Variants in ANKFN1 observed in about 807,000 individuals in gnomAD.
ANKFN1 encodes ankyrin repeat and fibronectin type III domain containing 1, also known as ankyrin repeat and fibronectin type-III domain-containing protein 1.
A neutral mutation model predicts 108.7 loss-of-function variants in ANKFN1; 74 were observed. The observed-to-expected ratio is 0.68, with a 90% confidence interval of 0.56 to 0.83. ANKFN1 has a LOEUF of 0.83. Among genes scored for constraint, ANKFN1 ranks in the 40% least tolerant of loss-of-function variants. ANKFN1 has a pLI of 0.00. For missense variants in ANKFN1, 1,505 were observed against 1,382.3 expected, an observed-to-expected ratio of 1.09 and a Z score of -1.41; for synonymous variants, 547 against 516.2, an observed-to-expected ratio of 1.06 and a Z score of -0.81.
intron 4 of ANKFN1, among the ~76,000 whole-genome samples, chr17:56,102,623 T>G (rs1174365306): frequency 9.4e-6 from 1 of 106,160 alleles, no homozygotes; most frequent in Non-Finnish European, 1.9e-5. Flanking sequence ...CCCAAGCCCT[T>G]CCTAGCCTTT....
At chr17:56,379,893 A>G (rs901827027) in intron 8 of ANKFN1, among the ~76,000 whole-genome samples, 5 of 152,266 alleles carry the variant, frequency 3.3e-5, no homozygotes, top group Admixed American at 6.5e-5. Context: ...TTACTATCAT[A>G]ATACCATAAT....
intron 3 of ANKFN1, chr17:56,245,760 G>A (rs1917912303): frequency 6.6e-6 from 1 of 152,126 alleles, no homozygotes; most frequent in South Asian, 2.1e-4. Flanking sequence ...CTTTTCTGAG[G>A]AAACCAGAGA....
intron 1 of ANKFN1, chr17:56,184,702 C>A (rs1179618494): frequency 6.6e-6 from 1 of 152,308 alleles, no homozygotes; most frequent in African/African-American, 2.4e-5. Context: ...AAGTTTCAAA[C>A]TTTTTAAATA....
At chr17:56,278,135 A>G (rs1455580984) in intron 3 of ANKFN1, among the ~76,000 whole-genome samples, 6 of 152,216 alleles carry the variant, frequency 3.9e-5, no homozygotes, top group Admixed American at 3.9e-4. Context: ...CCTATCCACA[A>G]CAATATCAGA....
At chr17:56,453,489 T>C (rs146843849) in intron 11 of ANKFN1, among the ~76,000 whole-genome samples, 9 of 152,328 alleles carry the variant, frequency 5.9e-5, no homozygotes, top group African/African-American at 2.2e-4. Flanking sequence ...ATGTTTCTAT[T>C]GCATCTTCTT....
chr17:56,161,724 G>C (rs958441275), intron 1 of ANKFN1, among the ~76,000 whole-genome samples: 2 of 151,188 alleles, frequency 1.3e-5, no homozygotes, highest in African/African-American at 2.4e-5. Flanking sequence ...ACAAGGAAAA[G>C]ATTTTACATT....
chr17:56,176,479 T>A (rs1328133737), intron 1 of ANKFN1, among the ~76,000 whole-genome samples: 1 of 152,206 alleles, frequency 6.6e-6, no homozygotes, highest in African/African-American at 2.4e-5. Flanking sequence ...TTGTTATAGG[T>A]TGGAACCCAT....
intron 4 of ANKFN1, among the ~76,000 whole-genome samples, chr17:56,084,834 T>C (rs1398985085): frequency 6.6e-6 from 1 of 151,150 alleles, no homozygotes; most frequent in Non-Finnish European, 1.5e-5. Flanking sequence ...TCTGGGGACC[T>C]AGGCCAGTTG....
At chr17:56,074,534 G>A (rs1905158885) in intron 4 of ANKFN1, among the ~76,000 whole-genome samples, 1 of 152,198 alleles carries the variant, frequency 6.6e-6, no homozygotes, top group African/African-American at 2.4e-5. Context: ...TTCTGAAACA[G>A]GCGCTGACAG....
At chr17:56,235,637 C>G (rs1020738909) in intron 3 of ANKFN1, among the ~76,000 whole-genome samples, 1 of 152,122 alleles carries the variant, frequency 6.6e-6, no homozygotes, top group Admixed American at 6.5e-5. Context: ...CGGTTTTTGT[C>G]AGCTTTGTCA....
Position 56,470,176 on chromosome 17 carries a change from T to C in ANKFN1, c.1773+3605T>C, listed in dbSNP as rs547833637. Among the ~76,000 whole-genome samples, 4 of 152,318 alleles carry C rather than the reference T, an allele frequency of 2.6e-5. No individual in the cohort carries two copies. In the East Asian group the frequency reaches 7.7e-4, roughly 29 times the overall value. ...GTGTATATGCACCACATTTTCTTTATCCAGTCTATCATTGATGGGCATTTG... is the reference window on the plus strand; with the variant it reads ...GTGTATATGCACCACATTTTCTTTACCCAGTCTATCATTGATGGGCATTTG... On this transcript the variant is annotated intron_variant, in intron 15 of 20. Coordinates refer to ENST00000682825, the MANE Select transcript of ANKFN1 (RefSeq NM_001370326.1).
rs141699701 is a variant in ANKFN1 at position 56,145,338 on chromosome 17, A to G, written c.289-82579A>G. Among the ~76,000 whole-genome samples, 13 of 152,366 alleles carry G rather than the reference A, an allele frequency of 8.5e-5. No homozygotes were observed. In the East Asian group the frequency reaches 2.3e-3, roughly 27 times the overall value. On this transcript the variant is annotated intron_variant, in intron 4 of 12. Transcript: ENST00000635860. ...TGTGTAAAACCTGTAGTATTAGTCC[A>G]TTCTCATGCTGCCATAAAGAACTGC...
chr17:56,180,147 C>G (rs1292973605), intron 1 of ANKFN1, among the ~76,000 whole-genome samples: 1 of 152,154 alleles, frequency 6.6e-6, no homozygotes, highest in Non-Finnish European at 1.5e-5. Context: ...TCTCTTTCTA[C>G]CCTTTACTCA....
chr17:56,321,326 A>G (rs899581822), intron 3 of ANKFN1, among the ~76,000 whole-genome samples: 18 of 152,096 alleles, frequency 1.2e-4, no homozygotes, highest in Non-Finnish European at 1.6e-4. Context: ...GCCGTTATTG[A>G]GCAGCCTCGC....
intron 4 of ANKFN1, among the ~76,000 whole-genome samples, chr17:56,071,312 C>G (rs1490360636): frequency 6.6e-6 from 1 of 152,170 alleles, no homozygotes; most frequent in Admixed American, 6.5e-5. Context: ...TGCTCAACCC[C>G]TACTTAACCC....
intron 8 of ANKFN1, among the ~76,000 whole-genome samples, chr17:56,391,359 C>CAT (rs1335527140): frequency 3.5e-4 from 36 of 103,824 alleles, no homozygotes; most frequent in African/African-American, 1.4e-3. Context: ...CCCAAGAATA[C>CAT]ATATATATAT....
chr17:56,094,674 G>GT (rs1567785631), intron 4 of ANKFN1, among the ~76,000 whole-genome samples: 2 of 65,156 alleles, frequency 3.1e-5, no homozygotes, highest in Non-Finnish European at 6.8e-5. Flanking sequence ...CAGCTAATTG[G>GT]GTTTTTTTTT....
At chr17:56,269,160 A>G (rs2043729213) in intron 3 of ANKFN1, among the ~76,000 whole-genome samples, 1 of 152,146 alleles carries the variant, frequency 6.6e-6, no homozygotes, top group Non-Finnish European at 1.5e-5. Flanking sequence ...CTAGGTCATG[A>G]TAGCTGTTTA....
At chr17:56,338,787 G>A (rs904852641) in intron 4 of ANKFN1, among the ~76,000 whole-genome samples, 2 of 152,034 alleles carry the variant, frequency 1.3e-5, no homozygotes, top group African/African-American at 4.8e-5. Context: ...GAAGAACAGA[G>A]GGGAGGTTAC....
Sources: allele counts gnomAD v4.1 joint callset (sites outside exome capture counted in the v4.1 genomes callset), GRCh38; gene constraint gnomAD v4.1.1; transcripts MANE v1.5; gene names NCBI Gene and HGNC (gene_info 2026-07-23, HGNC 2026-07-21).